Variants in PPP1R9A observed in about 807,000 individuals in gnomAD.
The protein encoded by PPP1R9A is protein phosphatase 1 regulatory subunit 9A, also known as neurabin-1.
Under a neutral mutation model 141.9 loss-of-function variants are expected in PPP1R9A, and 59 were observed. That is an observed-to-expected ratio of 0.42 (90% CI 0.34 to 0.52). PPP1R9A has a LOEUF of 0.52. Ranked by LOEUF, PPP1R9A falls within the 20% of genes least tolerant of loss-of-function variation. The pLI is 0.10. For missense variants in PPP1R9A, 1,444 were observed against 1,611.9 expected (o/e 0.90, Z 1.78); for synonymous variants, 500 against 569.7 (o/e 0.88, Z 1.74).
chr7:95,023,384 T>C (rs1267954015), intron 2 of PPP1R9A, among the ~76,000 whole-genome samples: 1 of 152,112 alleles, frequency 6.6e-6, no homozygotes, highest in Non-Finnish European at 1.5e-5. Flanking sequence ...TCTTTATTAG[T>C]CTGGCTAGCG....
At chr7:94,970,445 A>T (rs544446147) in intron 2 of PPP1R9A, among the ~76,000 whole-genome samples, 1 of 152,132 alleles carries the variant, frequency 6.6e-6, no homozygotes, top group Non-Finnish European at 1.5e-5. Context: ...CAATGCCCCA[A>T]CCTGCTTTGG....
intron 4 of PPP1R9A, among the ~76,000 whole-genome samples, chr7:95,150,425 C>T (rs1317983099): frequency 6.6e-6 from 1 of 151,958 alleles, no homozygotes; most frequent in African/African-American, 2.4e-5. Flanking sequence ...GCCTCAGCCT[C>T]CTGAGTAGCT....
At chr7:94,950,344 A>G (rs1796337560) in intron 2 of PPP1R9A, among the ~76,000 whole-genome samples, 1 of 151,974 alleles carries the variant, frequency 6.6e-6, no homozygotes, top group African/African-American at 2.4e-5. Context: ...TTCTGTCATG[A>G]TGCTTTATTT....
intron 2 of PPP1R9A, among the ~76,000 whole-genome samples, chr7:95,005,206 T>G (rs1349284713): frequency 6.6e-6 from 1 of 152,174 alleles, no homozygotes; most frequent in Non-Finnish European, 1.5e-5. Context: ...TTTTTTCATT[T>G]TTTCCACTTG....
At chr7:95,041,286 G>A (rs560115402) in intron 2 of PPP1R9A, among the ~76,000 whole-genome samples, 8 of 152,150 alleles carry the variant, frequency 5.3e-5, no homozygotes, top group African/African-American at 9.7e-5. Context: ...CCCTGCGTCT[G>A]TTTGTAATCT....
chr7:95,218,056 T>C (rs917587350), intron 7 of PPP1R9A, among the ~76,000 whole-genome samples: 1 of 152,212 alleles, frequency 6.6e-6, no homozygotes, highest in African/African-American at 2.4e-5. Flanking sequence ...CTTTTAATTG[T>C]GATGTTAGGG....
At chr7:95,105,450 C>T (rs893855128) in intron 2 of PPP1R9A, among the ~76,000 whole-genome samples, 1 of 152,146 alleles carries the variant, frequency 6.6e-6, no homozygotes, top group Non-Finnish European at 1.5e-5. Context: ...TTCCTTTGAT[C>T]GAGAAACCAG....
chr7:95,006,073 T>G (rs1011186605), intron 2 of PPP1R9A, among the ~76,000 whole-genome samples: 1 of 152,110 alleles, frequency 6.6e-6, no homozygotes, highest in Admixed American at 6.5e-5. Flanking sequence ...TTTAAATGTC[T>G]TAATGTTCTC....
intron 2 of PPP1R9A, among the ~76,000 whole-genome samples, chr7:94,991,311 ATTTG>A (rs1173059779): frequency 1.3e-5 from 2 of 152,080 alleles, no homozygotes; most frequent in Non-Finnish European, 2.9e-5. Flanking sequence ...TTGGTTGGCA[ATTTG>A]TTTGTCTTTT....
intron 2 of PPP1R9A, among the ~76,000 whole-genome samples, chr7:95,031,879 G>C (rs1346939355): frequency 6.6e-6 from 1 of 151,912 alleles, no homozygotes; most frequent in Non-Finnish European, 1.5e-5. Context: ...ATTTCAACTA[G>C]ACTGGTCCAA....
intron 2 of PPP1R9A, among the ~76,000 whole-genome samples, chr7:95,102,712 A>T (rs1818946675): frequency 6.6e-6 from 1 of 152,160 alleles, no homozygotes; most frequent in Non-Finnish European, 1.5e-5. Flanking sequence ...ACTTGTCAAA[A>T]GTGTCTCTGT....
At chr7:95,208,391 G>C (rs1046664309) in intron 7 of PPP1R9A, among the ~76,000 whole-genome samples, 1 of 152,158 alleles carries the variant, frequency 6.6e-6, no homozygotes, top group African/African-American at 2.4e-5. Flanking sequence ...AAATTTGGAA[G>C]ATAGCATAGA....
chr7:95,208,583 G>T lies in PPP1R9A; in HGVS notation c.1956+4853G>T, dbSNP rs1585252277. Among the ~76,000 whole-genome samples, 6 of 151,896 alleles carry T rather than the reference G, an allele frequency of 4.0e-5. 1 individual carries two copies. The highest frequency in any genetic ancestry group is 3.9e-4 in the Admixed American group (6 of 15,254). On this transcript the variant is annotated intron_variant, in intron 7 of 19. Transcript: ENST00000433360. The stretch of plus-strand genomic sequence containing the variant: ...ACTAAAAATGCAAAAAATTAGCCGG[G>T]CATGGTGGTGGGTGCCTGTAGTCCC...
intron 2 of PPP1R9A, among the ~76,000 whole-genome samples, chr7:94,937,682 G>A (rs1247281012): frequency 6.6e-6 from 1 of 152,008 alleles, no homozygotes; most frequent in African/African-American, 2.4e-5. Flanking sequence ...AGAAATCAGG[G>A]GTGAGAACCT....
At chr7:95,130,247 C>T (rs192699031) in intron 4 of PPP1R9A, among the ~76,000 whole-genome samples, 1 of 152,256 alleles carries the variant, frequency 6.6e-6, no homozygotes, top group East Asian at 1.9e-4. Context: ...GCTGTTCCAG[C>T]CTTGGCTGAA....
At chr7:95,191,168 C>A (rs545027804) in intron 5 of PPP1R9A, among the ~76,000 whole-genome samples, 1 of 152,062 alleles carries the variant, frequency 6.6e-6, no homozygotes, top group African/African-American at 2.4e-5. Context: ...ATGAATCCCA[C>A]GTAATCTAGA....
chr7:95,261,497 G>A (rs1209966114), intron 12 of PPP1R9A, among the ~76,000 whole-genome samples: 1 of 151,454 alleles, frequency 6.6e-6, no homozygotes, highest in Non-Finnish European at 1.5e-5. Context: ...AAACACTGTT[G>A]CTTGTGAGTT....
At chr7:95,193,582 A>T (rs1835822260) in intron 5 of PPP1R9A, among the ~76,000 whole-genome samples, 1 of 152,072 alleles carries the variant, frequency 6.6e-6, no homozygotes, top group Non-Finnish European at 1.5e-5. Context: ...TTAGCTTCAC[A>T]GATAATTCTG....
intron 14 of PPP1R9A, among the ~76,000 whole-genome samples, chr7:95,273,529 T>A (rs1385154282): frequency 1.3e-5 from 2 of 152,182 alleles, no homozygotes; most frequent in East Asian, 3.9e-4. Flanking sequence ...AAGAAAGGAA[T>A]GGAGGACAGA....
Sources: allele counts gnomAD v4.1 joint callset (sites outside exome capture counted in the v4.1 genomes callset), GRCh38; gene constraint gnomAD v4.1.1; transcripts MANE v1.5; gene names NCBI Gene and HGNC (gene_info 2026-07-23, HGNC 2026-07-21).